PDE4D: variants seen among roughly 807,000 people sequenced by gnomAD.
PDE4D encodes the protein 3',5'-cyclic-AMP phosphodiesterase 4D.
Under a neutral mutation model 87.4 loss-of-function variants are expected in PDE4D, and 24 were observed. The observed-to-expected ratio is 0.27, with a 90% CI of 0.20 to 0.39. The LOEUF is 0.39. Among genes scored for constraint, PDE4D ranks in the 10% least tolerant of loss-of-function variants. PDE4D has a pLI of 1.00. For missense variants in PDE4D, 714 were observed against 1,041.0 expected, an observed-to-expected ratio of 0.69 and a Z score of 4.32; for synonymous variants, 384 against 383.2, an observed-to-expected ratio of 1.00 and a Z score of -0.02.
At chr5:59,442,859 A>C (rs893920858) in intron 1 of PDE4D, among the ~76,000 whole-genome samples, 10 of 152,202 alleles carry the variant, frequency 6.6e-5, no homozygotes, top group Non-Finnish European at 1.2e-4. Flanking sequence ...TATATCATTT[A>C]TATCACCGAA....
intron 1 of PDE4D, among the ~76,000 whole-genome samples, chr5:60,320,247 G>A (rs191505484): frequency 1.3e-5 from 2 of 152,336 alleles, no homozygotes; most frequent in East Asian, 1.9e-4. Context: ...TGCTGGCAAT[G>A]AGCAAGGCTC....
At chr5:59,712,062 C>A (rs760736563) in intron 1 of PDE4D, among the ~76,000 whole-genome samples, 1 of 152,032 alleles carries the variant, frequency 6.6e-6, no homozygotes, top group Non-Finnish European at 1.5e-5. Context: ...ACTTCTGATG[C>A]ATGGACCTGC....
intron 2 of PDE4D, chr5:60,032,738 A>T (rs910459046): frequency 6.6e-6 from 1 of 152,172 alleles, no homozygotes; most frequent in South Asian, 2.1e-4. Flanking sequence ...CATAGTTATT[A>T]AAAAATGTTA....
chr5:59,360,514 A>C (rs1264562063), intron 1 of PDE4D, among the ~76,000 whole-genome samples: 4 of 152,182 alleles, frequency 2.6e-5, no homozygotes, highest in Non-Finnish European at 5.9e-5. Flanking sequence ...ATTGCAAAAG[A>C]GTGTGACAAA....
At chr5:59,373,296 G>A (rs372290011) in intron 1 of PDE4D, among the ~76,000 whole-genome samples, 1 of 152,102 alleles carries the variant, frequency 6.6e-6, no homozygotes, top group African/African-American at 2.4e-5. Flanking sequence ...AAACAATGCA[G>A]GAACTGACAG....
chr5:59,765,898 A>G (rs1762728077), intron 1 of PDE4D, among the ~76,000 whole-genome samples: 1 of 152,206 alleles, frequency 6.6e-6, no homozygotes, highest in African/African-American at 2.4e-5. Flanking sequence ...AAATTATTGG[A>G]AACCAACAAA....
At chr5:60,008,005 G>A (rs777416792) in intron 2 of PDE4D, among the ~76,000 whole-genome samples, 4 of 151,652 alleles carry the variant, frequency 2.6e-5, no homozygotes, top group Non-Finnish European at 5.9e-5. Flanking sequence ...AACTCTTCTC[G>A]GTACTGATGA....
intron 1 of PDE4D, among the ~76,000 whole-genome samples, chr5:60,447,059 T>C (rs1745700679): frequency 6.6e-6 from 1 of 152,160 alleles, no homozygotes; most frequent in Non-Finnish European, 1.5e-5. Flanking sequence ...GTGATTGTTC[T>C]GGTGTCACTT....
chr5:59,096,192 G>GT (rs200613505), intron 5 of PDE4D, among the ~76,000 whole-genome samples: 15 of 152,188 alleles, frequency 9.9e-5, no homozygotes, highest in East Asian at 5.8e-4. Context: ...CAGAGCAATG[G>GT]TTTTTTTAAT....
chr5:59,310,213 T>A (rs1772299550), intron 1 of PDE4D, among the ~76,000 whole-genome samples: 1 of 152,132 alleles, frequency 6.6e-6, no homozygotes, highest in African/African-American at 2.4e-5. Flanking sequence ...AAAGTGGACT[T>A]TTCCCCAATA....
intron 1 of PDE4D, among the ~76,000 whole-genome samples, chr5:59,367,656 A>T (rs1007181533): frequency 6.6e-6 from 1 of 152,258 alleles, no homozygotes; most frequent in Non-Finnish European, 1.5e-5. Context: ...CCAGATAGGC[A>T]TACACATCAT....
intron 1 of PDE4D, among the ~76,000 whole-genome samples, chr5:59,431,963 C>CT (rs1191250099): frequency 2.6e-5 from 4 of 152,022 alleles, no homozygotes; most frequent in Non-Finnish European, 4.4e-5. Context: ...CGCTCTCATT[C>CT]TTTTTTATGG....
intron 5 of PDE4D, chr5:59,165,000 A>C (rs1781713278): frequency 6.6e-6 from 1 of 152,196 alleles, no homozygotes; most frequent in African/African-American, 2.4e-5. Flanking sequence ...TTGTGCCTTC[A>C]GAGGAACTGA....
intron 5 of PDE4D, among the ~76,000 whole-genome samples, chr5:59,090,494 G>A (rs1184252037): frequency 6.6e-6 from 1 of 152,084 alleles, no homozygotes; most frequent in Non-Finnish European, 1.5e-5. Flanking sequence ...AGATTAGTGA[G>A]ACAATGGCTG....
chr5:59,338,201 G>A (rs916764428), intron 1 of PDE4D, among the ~76,000 whole-genome samples: 20 of 152,234 alleles, frequency 1.3e-4, no homozygotes, highest in African/African-American at 3.9e-4. Context: ...GGTTCTCACA[G>A]CCAACAATCA....
intron 1 of PDE4D, among the ~76,000 whole-genome samples, chr5:60,424,867 C>G (rs537172149): frequency 2.0e-5 from 3 of 152,308 alleles, no homozygotes; most frequent in Non-Finnish European, 4.4e-5. Context: ...GCAAAAATCA[C>G]AAGCATTCTG....
chr5:59,580,477 A>AT (rs1009848627), intron 1 of PDE4D, among the ~76,000 whole-genome samples: 13 of 152,002 alleles, frequency 8.6e-5, no homozygotes, highest in African/African-American at 3.1e-4. Flanking sequence ...TTCTTCTTTT[A>AT]TTTTTTTGAG....
At chr5:60,358,341 T>G (rs1043885411) in intron 1 of PDE4D, among the ~76,000 whole-genome samples, 1 of 152,210 alleles carries the variant, frequency 6.6e-6, no homozygotes, top group Non-Finnish European at 1.5e-5. Context: ...TTTTTCTTCA[T>G]CCTTTTGCCT....
At chr5:59,590,298 T>G (rs1825741329) in intron 1 of PDE4D, among the ~76,000 whole-genome samples, 1 of 152,132 alleles carries the variant, frequency 6.6e-6, no homozygotes, top group Non-Finnish European at 1.5e-5. Flanking sequence ...AAACAAGTTG[T>G]CAAAAATGAA....
Sources: allele counts gnomAD v4.1 joint callset (sites outside exome capture counted in the v4.1 genomes callset), GRCh38; gene constraint gnomAD v4.1.1; transcripts MANE v1.5; gene names NCBI Gene and HGNC (gene_info 2026-07-23, HGNC 2026-07-21).